The following SAMD12 variants were observed in gnomAD, a reference collection of about 807,000 sequenced individuals.
The protein encoded by SAMD12 is sterile alpha motif domain-containing protein 12.
Under a neutral mutation model 15.0 loss-of-function variants are expected in SAMD12, and 9 were observed. The observed-to-expected ratio is 0.60, with a 90% CI of 0.36 to 1.05. The LOEUF (loss-of-function observed/expected upper bound fraction) is 1.05, where lower values mean the gene tolerates loss of function less well. SAMD12 is among the 50% of genes least tolerant of loss of function. SAMD12 has a pLI of 0.01. For missense variants in SAMD12, 230 were observed against 234.2 expected (o/e 0.98, Z 0.12); for synonymous variants, 86 against 90.1 (o/e 0.96, Z 0.25).
At chr8:118,521,948 T>G (rs1460761396) in intron 2 of SAMD12, among the ~76,000 whole-genome samples, 3 of 152,044 alleles carry the variant, frequency 2.0e-5, no homozygotes, top group Non-Finnish European at 4.4e-5. Context: ...AGTCAGTAAG[T>G]ATATATATTT....
intron 2 of SAMD12, among the ~76,000 whole-genome samples, chr8:118,555,565 A>C (rs1238263784): frequency 6.6e-6 from 1 of 152,232 alleles, no homozygotes; most frequent in African/African-American, 2.4e-5. Context: ...TTGTTAATGA[A>C]TCAAAGAAGC....
At chr8:118,553,410 T>G (rs1826412008) in intron 2 of SAMD12, among the ~76,000 whole-genome samples, 1 of 151,942 alleles carries the variant, frequency 6.6e-6, no homozygotes, top group South Asian at 2.1e-4. Flanking sequence ...TTGACAAACC[T>G]GAGAAAAACA....
intron 4 of SAMD12, among the ~76,000 whole-genome samples, chr8:118,219,695 C>T (rs1812043371): frequency 6.6e-6 from 1 of 152,148 alleles, no homozygotes; most frequent in Non-Finnish European, 1.5e-5. Context: ...ATGGAGACAT[C>T]CTGACAATAT....
chr8:118,395,248 C>A (rs148376108), intron 3 of SAMD12, among the ~76,000 whole-genome samples: 79 of 152,278 alleles, frequency 5.2e-4, no homozygotes, highest in African/African-American at 1.8e-3. Flanking sequence ...TTTATATTTA[C>A]AAACACTCGC....
At chr8:118,364,105 G>T (rs982915227) in intron 4 of SAMD12, among the ~76,000 whole-genome samples, 1 of 151,666 alleles carries the variant, frequency 6.6e-6, no homozygotes, top group African/African-American at 2.4e-5. Flanking sequence ...TTTTAGAGCT[G>T]AAGCAACTAT....
At chr8:118,619,478 C>CAAAAA (rs33947611) in intron 1 of SAMD12, among the ~76,000 whole-genome samples, 11 of 112,192 alleles carry the variant, frequency 9.8e-5, no homozygotes, top group Non-Finnish European at 1.9e-4. Context: ...GACTCTGTCT[C>CAAAAA]AAAAAAAAAA....
chr8:118,355,129 G>T (rs920038331), intron 4 of SAMD12, among the ~76,000 whole-genome samples: 77 of 152,276 alleles, frequency 5.1e-4, no homozygotes, highest in African/African-American at 1.7e-3. Flanking sequence ...CAAAAATATG[G>T]AACCAACCCA....
chr8:118,269,918 T>A (rs189587948), intron 4 of SAMD12, among the ~76,000 whole-genome samples: 3 of 152,304 alleles, frequency 2.0e-5, no homozygotes, highest in Admixed American at 6.5e-5. Context: ...AGGTAAATCA[T>A]CACTACTATA....
At chr8:118,134,598 G>A in the SAMD12 span, among the ~76,000 whole-genome samples, 1 of 152,184 alleles carries the variant, frequency 6.6e-6, no homozygotes, top group African/African-American at 2.4e-5. Flanking sequence ...GGAGCAGGGA[G>A]GGTCCAGCAA....
chr8:118,549,632 C>T (rs1368883897), intron 2 of SAMD12, among the ~76,000 whole-genome samples: 1 of 152,224 alleles, frequency 6.6e-6, no homozygotes, highest in Non-Finnish European at 1.5e-5. Context: ...ACCTCTCCTC[C>T]TCCAAAGGAA....
rs1013935386 is a variant in SAMD12, at chr8:118,557,182, C to T, written c.192+23533G>A. On this transcript the variant is annotated intron_variant, in intron 2 of 3. Coordinates refer to ENST00000314727, the MANE Select transcript of SAMD12 (RefSeq NM_207506.3). The stretch of plus-strand genomic sequence containing the variant: ...TGATTGGATCACTGGGGGCTTTTCC[C>T]CCCATGCTGTTCTAGTGATAGTGAG... Among the ~76,000 whole-genome samples, 5 of 152,072 alleles carry T rather than the reference C, an allele frequency of 3.3e-5. 1 individual carries two copies. The highest frequency in any genetic ancestry group is 2.9e-5 in the Non-Finnish European group (2 of 68,020).
chr8:118,280,340 A>C (rs9297581), intron 4 of SAMD12, among the ~76,000 whole-genome samples: 11,551 of 152,226 alleles, frequency 0.076, 800 homozygotes, highest in East Asian at 0.34. Flanking sequence ...AGAGGAGCAC[A>C]GTCACTCAAA....
the SAMD12 span, among the ~76,000 whole-genome samples, chr8:118,154,703 T>C: frequency 9.9e-5 from 15 of 152,272 alleles, no homozygotes; most frequent in African/African-American, 9.6e-5. Context: ...TTCTGCAGAA[T>C]AGACATTGTG....
chr8:118,371,850 G>A (rs78659783), intron 4 of SAMD12, among the ~76,000 whole-genome samples: 1,862 of 152,216 alleles, frequency 0.012, 33 homozygotes, highest in African/African-American at 0.041. Context: ...CTACCCCCAG[G>A]AGGAATCAAT....
At chr8:118,451,030 CT>C (rs1162283359) in intron 2 of SAMD12, among the ~76,000 whole-genome samples, 2 of 152,136 alleles carry the variant, frequency 1.3e-5, no homozygotes, top group East Asian at 3.9e-4. Context: ...GTCTTAAAAA[CT>C]TTACGTAAAT....
intron 4 of SAMD12, among the ~76,000 whole-genome samples, chr8:118,364,991 A>C (rs1015608435): frequency 6.6e-6 from 1 of 152,084 alleles, no homozygotes; most frequent in Non-Finnish European, 1.5e-5. Context: ...GCATCCTCTC[A>C]TCTTTTGTTA....
chr8:118,571,754 T>C (rs1827017243), intron 2 of SAMD12, among the ~76,000 whole-genome samples: 1 of 152,204 alleles, frequency 6.6e-6, no homozygotes, highest in Non-Finnish European at 1.5e-5. Context: ...GAACCTAGAT[T>C]CCAGAAGATG....
chr8:118,165,595 C>CATATATATATGTATATATATAT, the SAMD12 span, among the ~76,000 whole-genome samples: 2 of 96,954 alleles, frequency 2.1e-5, no homozygotes, highest in African/African-American at 9.9e-5. Flanking sequence ...TATATATATA[C>CATATATATATGTATATATATAT]ATATATACAT....
At chr8:118,475,700 G>A (rs914457454) in intron 2 of SAMD12, among the ~76,000 whole-genome samples, 3 of 152,304 alleles carry the variant, frequency 2.0e-5, no homozygotes, top group African/African-American at 7.2e-5. Context: ...TGTTAGTGAG[G>A]CTTACTACAC....
Sources: allele counts gnomAD v4.1 joint callset (sites outside exome capture counted in the v4.1 genomes callset), GRCh38; gene constraint gnomAD v4.1.1; transcripts MANE v1.5; gene names NCBI Gene and HGNC (gene_info 2026-07-23, HGNC 2026-07-21).